The following HDAC10 variants were observed in gnomAD, a reference collection of about 807,000 sequenced individuals.
The protein encoded by HDAC10 is histone deacetylase 10.
A neutral mutation model predicts 82.3 loss-of-function variants in HDAC10; 90 were observed. The observed-to-expected ratio is 1.09, with a 90% CI of 0.92 to 1.30. The LOEUF is 1.30. HDAC10 is among the 50% of genes most tolerant of loss of function. HDAC10 has a pLI of 0.00. For synonymous variants in HDAC10, 456 were observed against 391.7 expected, an observed-to-expected ratio of 1.16 and a Z score of -1.94; for missense variants, 934 against 876.3, an observed-to-expected ratio of 1.07 and a Z score of -0.83.
chr22:50,246,198 A>G, intron 17 of HDAC10, 100 bp downstream of exon 17: 2 of 1,519,530 alleles, frequency 1.3e-6, no homozygotes, highest in South Asian at 1.2e-5. Flanking sequence ...GGAGACAGGA[A>G]GGACCAGAGG....
rs1379673891 is a variant in HDAC10, at chr22:50,248,331, C to T, written c.1013+35G>A. ...ACAACAGTCGTGACACCTGGTCTCA[C>T]ACCCCGGCCCTGCCCGCCCTACCTC... is the stretch of plus-strand genomic sequence containing the variant. On this transcript the variant is annotated intron_variant, in intron 11 of 19. Transcript: ENST00000216271. This position sits in a 1 kb window ranked among gnomAD's most constrained non-coding sequence, Gnocchi z 5.4. The T allele has an allele frequency of 6.2e-7, 1 of 1,611,534 alleles. No homozygotes were observed. Among genetic ancestry groups the T allele is most frequent in the African/African-American group, 1.3e-5 (1 of 74,898 alleles).
At position 50,250,092 on chromosome 22, in the gene HDAC10, T is replaced by G; in HGVS notation, c.360A>C (p.Gly120=). 6.2e-7 allele frequency: 1 copy of G among 1,612,656 alleles called. No individual in the cohort carries two copies. Among genetic ancestry groups the G allele is most frequent in the Non-Finnish European group, 8.5e-7 (1 of 1,179,922 alleles). Residue 120 remains glycine, a synonymous_variant, in exon 4 of 20, where the codon GGA becomes GGC. Transcript: ENST00000216271. ...GLQLVDAVLT[G]AVQNGLALVR... is the part of the protein sequence containing the mutation. ...CCAGGGCAAGCCCATTTTGCACAGC[T>G]CCAGTGAGCACAGCGTCCACCAGCT...
At chr22:50,247,246 G>A (rs1022465998) in intron 14 of HDAC10, 13 of 363,702 alleles carry the variant, frequency 3.6e-5, no homozygotes, top group Non-Finnish European at 6.5e-5. Context: ...TTAAGCGATC[G>A]TCCTGCCTCA....
At chr22:50,247,606 C>G in intron 14 of HDAC10, 86 bp downstream of exon 14, 1 of 967,304 alleles carries the variant, frequency 1.0e-6, no homozygotes, top group Non-Finnish European at 1.6e-6. Context: ...ACCCAGCCCT[C>G]CTCTGGACAG....
chr22:50,246,393 G>C lies in HDAC10; in HGVS notation c.1572-17C>G, dbSNP rs201238765. 2.0e-4 allele frequency: 325 copies of C among 1,604,386 alleles called. 1 individual carries two copies. The African/African-American group carries it at 4.0e-3, about 20-fold the overall frequency. Reference sequence around the variant, plus strand: ...AGACTCCTCCTTCCAGGACACAGGTGCATAAGTGTAAGGCCCTGCTCACCC... The same window carrying C: ...AGACTCCTCCTTCCAGGACACAGGTCCATAAGTGTAAGGCCCTGCTCACCC... On this transcript the variant is annotated splice_polypyrimidine_tract_variant and intron_variant, in intron 16 of 19. Coordinates refer to ENST00000216271, the MANE Select transcript of HDAC10 (RefSeq NM_032019.6).
rs2065025182 is a variant in HDAC10, at chr22:50,249,176, G to A, written c.691-8C>T. On this transcript the variant is annotated splice_polypyrimidine_tract_variant and splice_region_variant and intron_variant, in intron 7 of 19. Transcript: ENST00000216271. This position sits in a 1 kb window ranked among gnomAD's most constrained non-coding sequence, Gnocchi z 4.4. ...AGCGTTTCCCATCCCAACCTGGCAG[G>A]ACATCCCAGGCTACATCCTGAACTG... 1.3e-6 allele frequency: 2 copies of A among 1,535,966 alleles called. No individual in the cohort carries two copies. Among genetic ancestry groups the A allele is most frequent in the Non-Finnish European group, 1.8e-6 (2 of 1,136,138 alleles).
rs372244341 is a variant in HDAC10 at position 50,247,687 on chromosome 22, C to T, written c.1422+5G>A. On this transcript the variant is annotated splice_donor_5th_base_variant and intron_variant, in intron 14 of 19. Transcript: ENST00000216271. ...GCATCCCCAACCCCTCCCAGGTGCT[C>T]CCACCTGCCCATCCAGCATCCCATC... The T allele has an allele frequency of 6.4e-7, 1 of 1,559,106 alleles. No individual in the cohort carries two copies. The highest frequency in any genetic ancestry group is 1.4e-5 in the African/African-American group (1 of 73,852).
intron 19 of HDAC10, 61 bp from the exon 20 acceptor site, chr22:50,245,591 C>G (rs539089965): frequency 1.3e-6 from 2 of 1,561,034 alleles, no homozygotes; most frequent in African/African-American, 2.7e-5. Flanking sequence ...TGGTTCAGGG[C>G]ACTCCCCTGC....
rs749822992 is a variant in HDAC10, at chr22:50,249,474, G to A, written c.564-20C>T. ...AGGACGCTGCCAACAGCCAGCCAGG[G>A]CCAGAGGTCAAAGGTCAGGACCCTC... On this transcript the variant is annotated intron_variant, in intron 6 of 19. Coordinates refer to ENST00000216271, the MANE Select transcript of HDAC10 (RefSeq NM_032019.6). The surrounding 1 kb of genome is among the most constrained non-coding windows in gnomAD (Gnocchi z 4.4). 77 of 1,612,266 alleles carry A rather than the reference G, an allele frequency of 4.8e-5. No individual in the cohort carries two copies. Among genetic ancestry groups the A allele is most frequent in the Non-Finnish European group, 5.7e-5 (67 of 1,179,778 alleles).
Position 50,248,531 on chromosome 22 carries a change from G to A in HDAC10, c.907-59C>T, listed in dbSNP as rs778552942. ...GATATCACTGGGATGGGATGTCACCGGGAGAGCCCCTGCCTGGCTCTATCC... is the reference window on the plus strand; with the variant it reads ...GATATCACTGGGATGGGATGTCACCAGGAGAGCCCCTGCCTGGCTCTATCC... On this transcript the variant is annotated intron_variant, in intron 10 of 19. Coordinates refer to ENST00000216271, the MANE Select transcript of HDAC10 (RefSeq NM_032019.6). This position sits in a 1 kb window ranked among gnomAD's most constrained non-coding sequence, Gnocchi z 5.4. 146 of 1,537,968 alleles carry A rather than the reference G, an allele frequency of 9.5e-5. No homozygotes were observed. The highest frequency in any genetic ancestry group is 5.1e-4 in the Middle Eastern group (3 of 5,918).
Position 50,248,391 on chromosome 22 carries a change from A to G in HDAC10, c.988T>C (p.Ser330Pro). Residue 330 changes from serine (S) to proline (P), a missense_variant, in exon 11 of 20, where the codon TCA becomes CCA. Coordinates refer to ENST00000216271, the MANE Select transcript of HDAC10 (RefSeq NM_032019.6). The surrounding 1 kb of genome is among the most constrained non-coding windows in gnomAD (Gnocchi z 5.4). ...TLLGDPAPPLSGPMAPCQSAL... is the reference protein window; with the variant it reads ...TLLGDPAPPLPGPMAPCQSAL... Reference sequence around the variant, plus strand: ...CTCTGACATGGCGCCATTGGCCCTGACAGGGGTGGGGCCGGGTCACCCAGC... The same window carrying G: ...CTCTGACATGGCGCCATTGGCCCTGGCAGGGGTGGGGCCGGGTCACCCAGC... The G allele has an allele frequency of 6.2e-7, 1 of 1,609,888 alleles. No homozygotes were observed. The highest frequency in any genetic ancestry group is 8.5e-7 in the Non-Finnish European group (1 of 1,179,840).
chr22:50,247,284 C>T (rs2064977890), intron 14 of HDAC10: 1 of 326,944 alleles, frequency 3.1e-6, no homozygotes, highest in African/African-American at 2.1e-5. Context: ...AGGCACACAC[C>T]ACCACGCTTG....
intron 16 of HDAC10, 41 bp from the exon 17 acceptor site, chr22:50,246,417 C>T (rs756326118): frequency 3.3e-6 from 5 of 1,519,092 alleles, no homozygotes; most frequent in Non-Finnish European, 4.5e-6. Context: ...CCCTGCTCAC[C>T]CTCCTGAGCC....
rs375689591 is a variant in HDAC10, at chr22:50,250,415, G to A, written c.291+12C>T. 34 of 1,610,194 alleles carry A rather than the reference G, an allele frequency of 2.1e-5. No homozygotes were observed. Among genetic ancestry groups the A allele is most frequent in the Middle Eastern group, 1.6e-4 (1 of 6,082 alleles). On this transcript the variant is annotated intron_variant, in intron 3 of 19. Transcript: ENST00000216271. ...TGTGTCTGCACAGGTGAGTGTGTCC[G>A]GGGACACGCACCGGGTGGAAGTAGA...
rs781323051 is a variant in HDAC10 at position 50,250,970 on chromosome 22, T to G, written c.59+4A>C. The G allele has an allele frequency of 6.2e-7, 1 of 1,612,440 alleles. No individual in the cohort carries two copies. Among genetic ancestry groups the G allele is most frequent in the Admixed American group, 1.7e-5 (1 of 60,008 alleles). On this transcript the variant is annotated splice_donor_region_variant and intron_variant, in intron 1 of 19. Coordinates refer to ENST00000216271, the MANE Select transcript of HDAC10 (RefSeq NM_032019.6). The stretch of plus-strand genomic sequence containing the variant: ...GCACCCCACCTCGGCCAGGTCCCAC[T>G]TACTCGTCCCAGAGCAGCCGGGTGG...
intron 16 of HDAC10, 65 bp from the exon 17 acceptor site, chr22:50,246,441 C>A: frequency 7.2e-7 from 1 of 1,396,282 alleles, no homozygotes; most frequent in South Asian, 1.2e-5. Context: ...ACCGCAGAGG[C>A]AGAGGTGGAA....
rs2053112107 is a variant in HDAC10, at chr22:50,247,883, T to C, written c.1337+7A>G. On this transcript the variant is annotated splice_region_variant and intron_variant, in intron 13 of 19. Coordinates refer to ENST00000216271, the MANE Select transcript of HDAC10 (RefSeq NM_032019.6). ...CCCATCCTTCTCCCCAGGCCAGCCCTGCCCACCTGGCCCAGGCTTCTGTCT... is the reference window on the plus strand; with the variant it reads ...CCCATCCTTCTCCCCAGGCCAGCCCCGCCCACCTGGCCCAGGCTTCTGTCT... 6 of 1,612,644 alleles carry C rather than the reference T, an allele frequency of 3.7e-6. No homozygotes were observed. The highest frequency in any genetic ancestry group is 5.1e-6 in the Non-Finnish European group (6 of 1,179,924).
rs937167833 is a variant in HDAC10, at chr22:50,250,697, T to G, written c.194+74A>C. On this transcript the variant is annotated intron_variant, in intron 2 of 19. Transcript: ENST00000216271. ...GTATTCGAGGCTGGCAGGCTCGGGG[T>G]AGGCCCAGGTTCTTAGGTTTCTAGC... 4.1e-5 allele frequency: 59 copies of G among 1,444,214 alleles called. No homozygotes were observed. The African/African-American group carries it at 7.7e-4, about 19-fold the overall frequency. 89.5% of individuals were successfully genotyped at this position (1,444,214 alleles called of 1,614,324 possible). A position where few individuals can be genotyped will look rare whatever the true frequency, so the allele number is the denominator to read the frequency against.
At position 50,250,974 on chromosome 22, in the gene HDAC10, T is replaced by C. The variant is rs929146386; in HGVS notation, c.59A>G (p.Asp20Gly). 2.5e-6 allele frequency: 4 copies of C among 1,612,470 alleles called. No individual in the cohort carries two copies. Among genetic ancestry groups the C allele is most frequent in the Non-Finnish European group, 3.4e-6 (4 of 1,179,652 alleles). The part of the protein sequence containing the change: ...DMTATRLLWD[D>G]PECEIERPER... ...CCCACCTCGGCCAGGTCCCACTTACTCGTCCCAGAGCAGCCGGGTGGCCGT... is the reference window on the plus strand; with the variant it reads ...CCCACCTCGGCCAGGTCCCACTTACCCGTCCCAGAGCAGCCGGGTGGCCGT... The change falls in exon 1 of 20, where the codon GAC (aspartate) becomes GGC (glycine). Residue 20 changes from aspartate to glycine, a missense_variant and splice_region_variant. Asp to Gly is a moderately conservative substitution (Grantham distance 94). Transcript: ENST00000216271.
Sources: allele counts gnomAD v4.1 joint callset, GRCh38; gene constraint gnomAD v4.1.1; non-coding constraint Gnocchi (gnomAD v3.1); transcripts MANE v1.5; gene names NCBI Gene and HGNC (gene_info 2026-07-23, HGNC 2026-07-21).